Variants in NCOA2 observed in about 807,000 individuals in gnomAD.
NCOA2 encodes the protein nuclear receptor coactivator 2.
A neutral mutation model predicts 145.1 loss-of-function variants in NCOA2; 21 were observed. The observed-to-expected ratio is 0.14, with a 90% CI of 0.10 to 0.21. The LOEUF (loss-of-function observed/expected upper bound fraction) is 0.21, where lower values mean the gene tolerates loss of function less well. NCOA2 is among the 10% of genes least tolerant of loss of function. NCOA2 has a pLI of 1.00. For synonymous variants in NCOA2, 619 were observed against 637.5 expected (o/e 0.97, Z 0.44); for missense variants, 1,472 against 1,837.6 (o/e 0.80, Z 3.64).
At chr8:70,227,728 A>C (rs140400731) in intron 2 of NCOA2, among the ~76,000 whole-genome samples, 148 of 152,224 alleles carry the variant, frequency 9.7e-4, no homozygotes, top group Admixed American at 2.4e-3. Context: ...AAATAAACCA[A>C]ATTAGGCCGG....
the NCOA2 span, among the ~76,000 whole-genome samples, chr8:70,438,307 T>G: frequency 6.6e-6 from 1 of 152,244 alleles, no homozygotes; most frequent in African/African-American, 2.4e-5. Context: ...AAAAGTGTAT[T>G]GTAATTCAAA....
At chr8:70,244,772 G>C (rs1228700670) in intron 2 of NCOA2, among the ~76,000 whole-genome samples, 1 of 151,990 alleles carries the variant, frequency 6.6e-6, no homozygotes, top group African/African-American at 2.4e-5. Flanking sequence ...CACTGTATTT[G>C]GCTACATAAA....
At chr8:70,441,335 A>C in the NCOA2 span, among the ~76,000 whole-genome samples, 5 of 150,348 alleles carry the variant, frequency 3.3e-5, no homozygotes, top group Admixed American at 3.3e-4. Flanking sequence ...AGAAAGAAAG[A>C]GGAAAGAAAG....
upstream of NCOA2, among the ~76,000 whole-genome samples, chr8:70,405,692 T>C (rs973400981): frequency 2.0e-5 from 3 of 148,596 alleles, no homozygotes; most frequent in African/African-American, 7.3e-5. Context: ...AATAAAAATT[T>C]AAAAAAAAGA....
In NCOA2 at chr8:70,115,368, G is replaced by A. The variant is rs180904996; in HGVS notation, c.4384-1725C>T. On this transcript the variant is annotated intron_variant, in intron 22 of 22. Coordinates refer to ENST00000452400, the MANE Select transcript of NCOA2 (RefSeq NM_006540.4). The stretch of plus-strand genomic sequence containing the variant: ...GGACTAACATCAATGAGCAGCCACC[G>A]GCCAGAATCAGTTTGATGAAGGAGA... Among the ~76,000 whole-genome samples, 10 of 152,284 alleles carry A rather than the reference G, an allele frequency of 6.6e-5. No individual in the cohort carries two copies. In the East Asian group the frequency reaches 7.7e-4, roughly 12 times the overall value.
chr8:70,113,750 C>A, intron 22 of NCOA2, 107 bp from the exon 23 acceptor site: 1 of 1,113,290 alleles, frequency 9.0e-7, no homozygotes, highest in Non-Finnish European at 1.3e-6. Context: ...TTCAATAAAG[C>A]AAATCACAGA....
At chr8:70,455,476 T>C in the NCOA2 span, among the ~76,000 whole-genome samples, 1 of 152,240 alleles carries the variant, frequency 6.6e-6, no homozygotes, top group Non-Finnish European at 1.5e-5. Flanking sequence ...GGATAGTCTA[T>C]TTGTTCTTGA....
At chr8:70,116,529 C>T (rs568779932) in intron 22 of NCOA2, among the ~76,000 whole-genome samples, 24 of 150,926 alleles carry the variant, frequency 1.6e-4, no homozygotes, top group Non-Finnish European at 2.9e-4. Flanking sequence ...CTAGCCTGGT[C>T]GACACAGAGT....
At chr8:70,147,445 T>C (rs1373666610) in intron 12 of NCOA2, among the ~76,000 whole-genome samples, 1 of 152,216 alleles carries the variant, frequency 6.6e-6, no homozygotes, top group Admixed American at 6.5e-5. Context: ...TCAAATTGTA[T>C]CTGAAAAGGA....
chr8:70,311,957 A>C (rs544121823), intron 1 of NCOA2, among the ~76,000 whole-genome samples: 1 of 152,338 alleles, frequency 6.6e-6, no homozygotes, highest in African/African-American at 2.4e-5. Flanking sequence ...AAATGCCTAG[A>C]GATAGACTAC....
rs138824206 is a variant in NCOA2 at position 70,182,059 on chromosome 8, T to G, written c.260-7200A>C. On this transcript the variant is annotated intron_variant, in intron 4 of 22. Coordinates refer to ENST00000452400, the MANE Select transcript of NCOA2 (RefSeq NM_006540.4). ...GCTTTGTGAAGCCAGCAGCACATTC[T>G]TATTCATTAGGAAGCATTCTGCTAA... Among the ~76,000 whole-genome samples, 20 of 152,372 alleles carry G rather than the reference T, an allele frequency of 1.3e-4. No individual in the cohort carries two copies. In the East Asian group the frequency reaches 3.9e-3, roughly 29 times the overall value.
intron 1 of NCOA2, among the ~76,000 whole-genome samples, chr8:70,312,831 T>C (rs189447466): frequency 3.8e-4 from 58 of 151,896 alleles, no homozygotes; most frequent in African/African-American, 1.3e-3. Flanking sequence ...CTTCTCGTAA[T>C]CTTAAAGTGT....
At chr8:70,188,974 A>C (rs570567401) in intron 4 of NCOA2, among the ~76,000 whole-genome samples, 2 of 152,364 alleles carry the variant, frequency 1.3e-5, no homozygotes, top group South Asian at 4.1e-4. Flanking sequence ...AGTAGAATAA[A>C]ACATGAATAC....
intron 1 of NCOA2, among the ~76,000 whole-genome samples, chr8:70,354,227 AAC>A (rs1809486328): frequency 6.6e-6 from 1 of 152,216 alleles, no homozygotes; most frequent in Admixed American, 6.5e-5. Context: ...AAGTGATTTA[AAC>A]AGTTATTTTT....
intron 4 of NCOA2, among the ~76,000 whole-genome samples, chr8:70,185,758 C>T (rs1036245663): frequency 6.6e-6 from 1 of 152,178 alleles, no homozygotes; most frequent in South Asian, 2.1e-4. Context: ...GGAAAGCTGA[C>T]TGCTAAGACA....
chr8:70,166,709 T>C lies in NCOA2; in HGVS notation c.587A>G (p.His196Arg). Reference protein sequence around the residue: ...WSGEPPRRNSHTFNCRMLVKP... With the variant: ...WSGEPPRRNSRTFNCRMLVKP... ...TACCAGCATCCGACAATTGAAGGTA[T>C]GGCTGTTCCGCCTCGGAGGTTCGCC... Residue 196 changes from histidine (H) to arginine (R), a missense_variant, in exon 7 of 23, where the codon CAT becomes CGT. Coordinates refer to ENST00000452400, the MANE Select transcript of NCOA2 (RefSeq NM_006540.4). The C allele has an allele frequency of 6.2e-7, 1 of 1,614,056 alleles. No homozygotes were observed. The highest frequency in any genetic ancestry group is 8.5e-7 in the Non-Finnish European group (1 of 1,179,894).
At chr8:70,332,845 G>C (rs1341067533) in intron 1 of NCOA2, among the ~76,000 whole-genome samples, 3 of 152,112 alleles carry the variant, frequency 2.0e-5, no homozygotes, top group Non-Finnish European at 4.4e-5. Context: ...TTAATACAGA[G>C]AAGAATAAAG....
chr8:70,446,458 T>C, the NCOA2 span, among the ~76,000 whole-genome samples: 3 of 152,228 alleles, frequency 2.0e-5, no homozygotes, highest in Non-Finnish European at 2.9e-5. Context: ...TTCTTTCTTT[T>C]GTTTCCCTTA....
At chr8:70,405,213 G>T (rs1421537136), upstream of NCOA2, among the ~76,000 whole-genome samples, 1 of 152,042 alleles carries the variant, frequency 6.6e-6, no homozygotes. Context: ...TAAAATTTGT[G>T]GGTGTACCGC....
Sources: allele counts gnomAD v4.1 joint callset (sites outside exome capture counted in the v4.1 genomes callset), GRCh38; gene constraint gnomAD v4.1.1; transcripts MANE v1.5; gene names NCBI Gene and HGNC (gene_info 2026-07-23, HGNC 2026-07-21).